The following MAF variants were observed in gnomAD, a reference collection of about 807,000 sequenced individuals.
MAF encodes the protein MAF bZIP transcription factor.
A neutral mutation model predicts 22.0 loss-of-function variants in MAF; 10 were observed. That is an observed-to-expected ratio of 0.45 (90% confidence interval 0.28 to 0.77). The LOEUF is 0.77. Ranked by LOEUF, MAF falls within the 30% of genes least tolerant of loss-of-function variation. The pLI is 0.12. For synonymous variants in MAF, 337 were observed against 255.8 expected, an observed-to-expected ratio of 1.32 and a Z score of -3.03; for missense variants, 544 against 548.4, an observed-to-expected ratio of 0.99 and a Z score of 0.08.
the MAF span, among the ~76,000 whole-genome samples, chr16:79,392,008 G>C: frequency 6.7e-6 from 1 of 149,952 alleles, no homozygotes; most frequent in African/African-American, 2.5e-5. Context: ...GGGAGAGACA[G>C]AGTAAGGAAA....
chr16:79,578,990 A>G, the MAF span, among the ~76,000 whole-genome samples: 1 of 152,216 alleles, frequency 6.6e-6, no homozygotes, highest in Admixed American at 6.5e-5. Flanking sequence ...CCAGGAAAAG[A>G]CATGGCTTTA....
the MAF span, among the ~76,000 whole-genome samples, chr16:79,454,072 A>G: frequency 6.6e-6 from 1 of 152,232 alleles, no homozygotes; most frequent in African/African-American, 2.4e-5. Context: ...TTCCATGCAT[A>G]TCTCATTTAA....
chr16:79,303,544 T>C, the MAF span, among the ~76,000 whole-genome samples: 1 of 152,190 alleles, frequency 6.6e-6, no homozygotes, highest in East Asian at 1.9e-4. Flanking sequence ...TCTCAGGGCT[T>C]CTGGTACCTG....
chr16:79,358,117 C>A, the MAF span, among the ~76,000 whole-genome samples: 2 of 152,224 alleles, frequency 1.3e-5, no homozygotes, highest in Non-Finnish European at 2.9e-5. Flanking sequence ...ACAGCCCCTG[C>A]CCCCAGAGGA....
the MAF span, among the ~76,000 whole-genome samples, chr16:79,418,937 T>C: frequency 1.3e-5 from 2 of 152,320 alleles, no homozygotes; most frequent in East Asian, 1.9e-4. Context: ...AAGAACAGCC[T>C]GTGGTACCAG....
At position 79,595,198 on chromosome 16, in the gene MAF, T is replaced by C. The variant is rs944421310; in HGVS notation, c.1119-645A>G. 4 of 1,041,244 alleles carry C rather than the reference T, an allele frequency of 3.8e-6. No homozygotes were observed. The African/African-American group carries it at 6.7e-5, about 17-fold the overall frequency. The allele number at this position is 1,041,244 out of a possible 1,614,324, so 64.5% of individuals were successfully genotyped here. A position where few individuals can be genotyped will look rare whatever the true frequency, so the allele number is the denominator to read the frequency against. On this transcript the variant is annotated intron_variant, in intron 1 of 1. Coordinates refer to ENST00000326043, the MANE Select transcript of MAF (RefSeq NM_005360.5). Reference sequence around the variant, plus strand: ...TTCAAGCTCATGAGGGGAGGTTTACTATTAAGACTTTTGTTAAGCAAAATT... The same window carrying C: ...TTCAAGCTCATGAGGGGAGGTTTACCATTAAGACTTTTGTTAAGCAAAATT...
the MAF span, among the ~76,000 whole-genome samples, chr16:79,275,084 G>C: frequency 6.6e-6 from 1 of 152,152 alleles, no homozygotes; most frequent in Non-Finnish European, 1.5e-5. Flanking sequence ...GGCCGGGTGT[G>C]GTGGCTCAGG....
the MAF span, among the ~76,000 whole-genome samples, chr16:79,238,566 C>G: frequency 6.6e-6 from 1 of 151,978 alleles, no homozygotes; most frequent in Non-Finnish European, 1.5e-5. Flanking sequence ...AGCCTAAAGT[C>G]TCCCTGGGAA....
the MAF span, among the ~76,000 whole-genome samples, chr16:79,432,245 A>G: frequency 0.017 from 2,519 of 152,182 alleles, 65 homozygotes; most frequent in African/African-American, 0.057. Flanking sequence ...GTGAAGAGGT[A>G]CCTTCTGCCA....
chr16:79,527,326 G>A, the MAF span, among the ~76,000 whole-genome samples: 5 of 152,144 alleles, frequency 3.3e-5, no homozygotes, highest in Non-Finnish European at 5.9e-5. Context: ...TTGCTTAAGT[G>A]AATCTAAATA....
Position 79,600,627 on chromosome 16 carries a change from T to TG in MAF, c.-726dup. ...TTAAAAAAGCAAAATAGCGAAGTCC[T>TG]GGGGAAAGACGAGGCAGAGAGCAAA... On this transcript the variant is annotated 5_prime_UTR_variant, in exon 1 of 2. Transcript: ENST00000326043. 1 of 196,522 alleles carries TG rather than the reference T, an allele frequency of 5.1e-6. No homozygotes were observed. Among genetic ancestry groups the TG allele is most frequent in the East Asian group, 8.9e-5 (1 of 11,188 alleles). The allele number at this position is 196,522 out of a possible 1,614,324, so 12.2% of individuals were successfully genotyped here. A position where few individuals can be genotyped will look rare whatever the true frequency, so the allele number is the denominator to read the frequency against.
the MAF span, among the ~76,000 whole-genome samples, chr16:79,381,454 C>G: frequency 6.6e-6 from 1 of 152,162 alleles, no homozygotes; most frequent in Non-Finnish European, 1.5e-5. Flanking sequence ...AAAACGAACT[C>G]TAGAGAGAAG....
At chr16:79,285,450 C>T in the MAF span, among the ~76,000 whole-genome samples, 1 of 152,088 alleles carries the variant, frequency 6.6e-6, no homozygotes, top group East Asian at 1.9e-4. Flanking sequence ...ATAGGGACAG[C>T]AGTTTTTCCG....
the MAF span, among the ~76,000 whole-genome samples, chr16:79,410,769 C>A: frequency 6.6e-6 from 1 of 152,166 alleles, no homozygotes; most frequent in Non-Finnish European, 1.5e-5. Context: ...AGGAAAGAGC[C>A]TGGACAAAAG....
the MAF span, among the ~76,000 whole-genome samples, chr16:79,310,660 C>T: frequency 1.3e-5 from 2 of 152,158 alleles, no homozygotes; most frequent in Admixed American, 6.5e-5. Flanking sequence ...ACTGAGATCC[C>T]TTCTTTTGTT....
the MAF span, among the ~76,000 whole-genome samples, chr16:79,462,258 T>G: frequency 6.6e-6 from 1 of 152,214 alleles, no homozygotes; most frequent in African/African-American, 2.4e-5. Flanking sequence ...CCACCAGTTC[T>G]ATGAGGGAGG....
the MAF span, chr16:79,205,260 C>G: frequency 3.9e-5 from 6 of 152,158 alleles, no homozygotes; most frequent in African/African-American, 1.4e-4. Context: ...GCACTTTACT[C>G]TCTCTGAGCC....
At chr16:79,339,288 T>G in the MAF span, among the ~76,000 whole-genome samples, 5 of 152,138 alleles carry the variant, frequency 3.3e-5, no homozygotes, top group African/African-American at 1.2e-4. Context: ...CTCGATCTCC[T>G]GACCTCATGA....
chr16:79,492,463 T>A, the MAF span, among the ~76,000 whole-genome samples: 2 of 145,210 alleles, frequency 1.4e-5, no homozygotes, highest in African/African-American at 4.9e-5. Context: ...CCCAGCCCAT[T>A]TGTTCTATAT....
Sources: gnomAD v4.1 joint callset for allele counts (sites outside exome capture counted in the v4.1 genomes callset) on GRCh38, gnomAD v4.1.1 for gene constraint, MANE v1.5 for transcripts, NCBI Gene and HGNC (gene_info 2026-07-23, HGNC 2026-07-21) for gene names.